Variants in SIGLEC8 observed in about 807,000 individuals in gnomAD.
SIGLEC8 encodes sialic acid-binding Ig-like lectin 8.
A neutral mutation model predicts 42.1 loss-of-function variants in SIGLEC8; 32 were observed. The observed-to-expected ratio is 0.76, with a 90% CI of 0.57 to 1.02. The LOEUF (loss-of-function observed/expected upper bound fraction) is 1.02, where lower values mean the gene tolerates loss of function less well. SIGLEC8 is among the 50% of genes least tolerant of loss of function. The probability of loss-of-function intolerance (pLI) is 0.00; values close to 1 mark genes in which losing one functional copy is unlikely to be tolerated. For missense variants in SIGLEC8, 611 were observed against 610.2 expected, an observed-to-expected ratio of 1.00 and a Z score of -0.01; for synonymous variants, 262 against 260.3, an observed-to-expected ratio of 1.01 and a Z score of -0.06.
chr19:51,457,035 G>A (rs528155926), intron 3 of SIGLEC8, 149 bp downstream of exon 3: 124 of 744,902 alleles, frequency 1.7e-4, no homozygotes, highest in African/African-American at 1.6e-3. Flanking sequence ...AGATGGTCAC[G>A]CGGGCTGGAG....
rs1989431329 is a variant in SIGLEC8, at chr19:51,454,095, C to A, written c.1245+124G>T. The A allele has an allele frequency of 3.3e-6, 5 of 1,500,056 alleles. 1 individual carries two copies. The Admixed American group carries it at 1.2e-4, about 35-fold the overall frequency. The allele number at this position is 1,500,056 out of a possible 1,614,324, so 92.9% of individuals were successfully genotyped here. A position where few individuals can be genotyped will look rare whatever the true frequency, so the allele number is the denominator to read the frequency against. On this transcript the variant is annotated intron_variant, in intron 6 of 6. Coordinates refer to ENST00000321424, the MANE Select transcript of SIGLEC8 (RefSeq NM_014442.3). The surrounding 1 kb of genome is among the most constrained non-coding windows in gnomAD (Gnocchi z 4.7). ...GATGGGGGAGTCCTGTAGAAGCCGG[C>A]CTGTGGGAAGGAGGAGGAGACGAGG...
At chr19:51,456,576 C>A (rs759786358) in intron 3 of SIGLEC8, among the ~76,000 whole-genome samples, 5 of 152,200 alleles carry the variant, frequency 3.3e-5, no homozygotes, top group Non-Finnish European at 5.9e-5. Context: ...AAGTCAGAGT[C>A]CATCTGTGCA....
At chr19:51,457,267 A>G in intron 2 of SIGLEC8, 36 bp from the exon 3 acceptor site, 1 of 1,601,626 alleles carries the variant, frequency 6.2e-7, no homozygotes, top group Non-Finnish European at 8.5e-7. Context: ...ACATTACTAT[A>G]AGGACTGGGG....
chr19:51,455,579 C>G lies in SIGLEC8; in HGVS notation c.890G>C (p.Arg297Pro). 6.2e-7 allele frequency: 1 copy of G among 1,614,044 alleles called. No individual in the cohort carries two copies. Among genetic ancestry groups the G allele is most frequent in the Non-Finnish European group, 8.5e-7 (1 of 1,179,978 alleles). The change falls in exon 4 of 7, where the codon CGG (arginine) becomes CCG (proline). Residue 297 changes from arginine to proline, a missense_variant. Arg to Pro is a moderately radical substitution (Grantham distance 103, BLOSUM62 -2). Transcript: ENST00000321424. ...SNPPARLSWT[R>P]GSLTLCPSRS... The stretch of plus-strand genomic sequence containing the variant: ...TGAGGGGCACAGGGTCAGGCTCCCC[C>G]GGGTCCAGCTCAGCCTGGCAGGGGG...
chr19:51,454,227 C>T lies in SIGLEC8; in HGVS notation c.1237G>A (p.Ala413Thr), dbSNP rs764161936. ...MEDAKAIRGS[A>T]SQGPLTESWK... ...AAGCCCACATCACTCACCTGAGAGG[C>T]CGAGCCCCTGATGGCCTTTGCATCT... Residue 413 changes from alanine (A) to threonine (T), a missense_variant, in exon 6 of 7, where the codon GCC becomes ACC. Physicochemically the swap from Ala to Thr is moderately conservative, Grantham distance 58 (BLOSUM62 0). Coordinates refer to ENST00000321424, the MANE Select transcript of SIGLEC8 (RefSeq NM_014442.3). The surrounding 1 kb of genome is among the most constrained non-coding windows in gnomAD (Gnocchi z 4.7). The T allele has an allele frequency of 1.1e-5, 17 of 1,614,150 alleles. No homozygotes were observed. Among genetic ancestry groups the T allele is most frequent in the Non-Finnish European group, 1.4e-5 (17 of 1,180,008 alleles).
Position 51,458,263 on chromosome 19 carries a change from C to A in SIGLEC8, c.125G>T (p.Cys42Phe). The change falls in exon 1 of 7, where the codon TGT becomes TTT. Residue 42 changes from cysteine to phenylalanine, a missense_variant. By Grantham distance (205) the Cys-to-Phe change is radical (BLOSUM62 -2). Transcript: ENST00000321424. Reference sequence around the variant, plus strand: ...GGAGAAGGAGCAGGGCACATGGACACACAGGCCCTCCTGCACCGTCACCAG... The same window carrying A: ...GGAGAAGGAGCAGGGCACATGGACAAACAGGCCCTCCTGCACCGTCACCAG... ...QELVTVQEGL[C>F]VHVPCSFSYP... The A allele has an allele frequency of 6.2e-7, 1 of 1,614,140 alleles. No homozygotes were observed. Among genetic ancestry groups the A allele is most frequent in the Non-Finnish European group, 8.5e-7 (1 of 1,180,020 alleles).
Position 51,452,184 on chromosome 19 carries a change from A to G in SIGLEC8, c.*195T>C. 4.4e-6 allele frequency: 2 copies of G among 454,648 alleles called. No homozygotes were observed. The highest frequency in any genetic ancestry group is 3.7e-5 in the Admixed American group (1 of 26,866). The allele number at this position is 454,648 out of a possible 1,614,324, so 28.2% of individuals were successfully genotyped here. A position where few individuals can be genotyped will look rare whatever the true frequency, so the allele number is the denominator to read the frequency against. The stretch of plus-strand genomic sequence containing the variant: ...GCAAGTACCACATGACCTCATCTCT[A>G]TGTGGAATCTAAAATAGTCAACCTC... On this transcript the variant is annotated 3_prime_UTR_variant, in exon 7 of 7. Transcript: ENST00000321424.
In SIGLEC8 at chr19:51,457,634, G is replaced by A; in HGVS notation, c.560C>T (p.Pro187Leu). 2 of 1,612,234 alleles carry A rather than the reference G, an allele frequency of 1.2e-6. No individual in the cohort carries two copies. The highest frequency in any genetic ancestry group is 8.5e-7 in the Non-Finnish European group (1 of 1,178,988). Residue 187 changes from proline to leucine, a missense_variant, in exon 2 of 7, where the codon CCC becomes CTC. Transcript: ENST00000321424. ...GGAGGCCCCAATCCAGGAGATCATG[G>A]GGGGTGTCCCCTGCTTACAGGCCCA... ...VPWACKQGTP[P>L]MISWIGASVS...
At chr19:51,457,801 T>C (rs1267928443) in intron 1 of SIGLEC8, 62 bp from the exon 2 acceptor site, 4 of 1,550,058 alleles carry the variant, frequency 2.6e-6, no homozygotes, top group Non-Finnish European at 2.6e-6. Flanking sequence ...TGGAGGAAGC[T>C]CAAGCTCTGG....
chr19:51,451,511 T>A lies in SIGLEC8; in HGVS notation c.*868A>T, dbSNP rs1010992364. On this transcript the variant is annotated 3_prime_UTR_variant, in exon 7 of 7. Coordinates refer to ENST00000321424, the MANE Select transcript of SIGLEC8 (RefSeq NM_014442.3). ...AAGGAATTTATTTCCTGAAAACTTA[T>A]GGCTAAGGGGTGCCCAGCCTGCTGA... is the stretch of plus-strand genomic sequence containing the variant. 2.6e-5 allele frequency: 4 copies of A among 152,164 alleles called. No homozygotes were observed. The highest frequency in any genetic ancestry group is 1.3e-4 in the Admixed American group (2 of 15,282). 9.4% of individuals were successfully genotyped at this position (152,164 alleles called of 1,614,324 possible). A position where few individuals can be genotyped will look rare whatever the true frequency, so the allele number is the denominator to read the frequency against.
At chr19:51,457,040 C>A in intron 3 of SIGLEC8, 144 bp downstream of exon 3, 1 of 774,222 alleles carries the variant, frequency 1.3e-6, no homozygotes, top group Non-Finnish European at 2.3e-6. Flanking sequence ...GTCACGCGGG[C>A]TGGAGATGTG....
In SIGLEC8 at chr19:51,454,534, C is replaced by T. The variant is rs1057418354; in HGVS notation, c.1148+150G>A. Reference sequence around the variant, plus strand: ...AGATGTGGAGCCCCACAGACAAGGACGCTCGTGAAATGCTCACCGTGCACC... The same window carrying T: ...AGATGTGGAGCCCCACAGACAAGGATGCTCGTGAAATGCTCACCGTGCACC... On this transcript the variant is annotated intron_variant, in intron 5 of 6. Coordinates refer to ENST00000321424, the MANE Select transcript of SIGLEC8 (RefSeq NM_014442.3). The surrounding 1 kb of genome is among the most constrained non-coding windows in gnomAD (Gnocchi z 4.7). 68 of 1,004,614 alleles carry T rather than the reference C, an allele frequency of 6.8e-5. 1 individual carries two copies. The highest frequency in any genetic ancestry group is 3.1e-4 in the Admixed American group (13 of 41,426). The allele number at this position is 1,004,614 out of a possible 1,614,324, so 62.2% of individuals were successfully genotyped here. A position where few individuals can be genotyped will look rare whatever the true frequency, so the allele number is the denominator to read the frequency against.
Position 51,457,891 on chromosome 19 carries a change from T to C in SIGLEC8, c.454+43A>G, listed in dbSNP as rs199744503. The C allele has an allele frequency of 3.0e-4, 482 of 1,595,370 alleles. 7 individuals carry two copies. In the Admixed American group the frequency reaches 5.0e-3, roughly 16 times the overall value. On this transcript the variant is annotated intron_variant, in intron 1 of 6. Transcript: ENST00000321424. ...CATCCCAGCCCTGCCTTTCAGCCCCTCATGACCTTCCCCTGTGGCCTGTGC... is the reference window on the plus strand; with the variant it reads ...CATCCCAGCCCTGCCTTTCAGCCCCCCATGACCTTCCCCTGTGGCCTGTGC...
chr19:51,456,053 C>T (rs1213008804), intron 3 of SIGLEC8, among the ~76,000 whole-genome samples: 1 of 142,842 alleles, frequency 7.0e-6, no homozygotes, highest in African/African-American at 2.6e-5. Flanking sequence ...GGAAGGGGAA[C>T]ATCACACACC....
Position 51,452,619 on chromosome 19 carries a change from T to A in SIGLEC8, c.1260A>T (p.Glu420Asp). 6.5e-7 allele frequency: 1 copy of A among 1,539,980 alleles called. No individual in the cohort carries two copies. The highest frequency in any genetic ancestry group is 8.8e-7 in the Non-Finnish European group (1 of 1,139,072). Residue 420 changes from glutamate (E) to aspartate (D), a missense_variant, in exon 7 of 7, where the codon GAA becomes GAT. Physicochemically the swap from Glu to Asp is conservative, Grantham distance 45 (BLOSUM62 2). Coordinates refer to ENST00000321424, the MANE Select transcript of SIGLEC8 (RefSeq NM_014442.3). Reference sequence around the variant, plus strand: ...TCAGGGGGTTGCCATCTTTCCAGGATTCAGTCAGGGGTCCCTGGACAGAGA... The same window carrying A: ...TCAGGGGGTTGCCATCTTTCCAGGAATCAGTCAGGGGTCCCTGGACAGAGA... ...RGSASQGPLTESWKDGNPLKK... is the reference protein window; with the variant it reads ...RGSASQGPLTDSWKDGNPLKK...
chr19:51,457,496 A>G lies in SIGLEC8; in HGVS notation c.698T>C (p.Val233Ala). The change falls in exon 2 of 7, where the codon GTG (valine) becomes GCG (alanine). Residue 233 changes from valine (V) to alanine (A), a missense_variant. Physicochemically the swap from Val to Ala is moderately conservative, Grantham distance 64 (BLOSUM62 0). Coordinates refer to ENST00000321424, the MANE Select transcript of SIGLEC8 (RefSeq NM_014442.3). ...GAGGCGGACGGTACTGGTCGTGGTC[A>G]CACCTGTCCCAGGCAAGGTCACCTG... ...TCQVTLPGTG[V>A]TTTSTVRLDV... 6.2e-7 allele frequency: 1 copy of G among 1,613,792 alleles called. No individual in the cohort carries two copies. The highest frequency in any genetic ancestry group is 1.7e-4 in the Middle Eastern group (1 of 5,826).
Position 51,452,572 on chromosome 19 carries a change from G to T in SIGLEC8, c.1307C>A (p.Ala436Asp). 1 of 1,583,932 alleles carries T rather than the reference G, an allele frequency of 6.3e-7. No homozygotes were observed. The highest frequency in any genetic ancestry group is 8.6e-7 in the Non-Finnish European group (1 of 1,158,106). ...NPLKKPPPAV[A>D]PSSGEEGELH... ...CTCTCCTTCCTCCCCTGACGAGGGG[G>T]CAACAGCTGGGGGAGGCTTCTTCAG... is the stretch of plus-strand genomic sequence containing the variant. Residue 436 changes from alanine (A) to aspartate (D), a missense_variant, in exon 7 of 7, where the codon GCC (alanine) becomes GAC (aspartate). Physicochemically the swap from Ala to Asp is moderately radical, Grantham distance 126. Coordinates refer to ENST00000321424, the MANE Select transcript of SIGLEC8 (RefSeq NM_014442.3).
At chr19:51,455,014 A>G (rs1436929927) in intron 4 of SIGLEC8, among the ~76,000 whole-genome samples, 1 of 152,142 alleles carries the variant, frequency 6.6e-6, no homozygotes, top group African/African-American at 2.4e-5. Flanking sequence ...TTGTGGAATC[A>G]TTTTGCATTC....
rs1429114868 is a variant in SIGLEC8 at position 51,451,695 on chromosome 19, C to G, written c.*684G>C. 4.6e-5 allele frequency: 7 copies of G among 152,210 alleles called. No homozygotes were observed. The highest frequency in any genetic ancestry group is 1.0e-4 in the Non-Finnish European group (7 of 68,058). The allele number at this position is 152,210 out of a possible 1,614,324, so 9.4% of individuals were successfully genotyped here. Reference sequence around the variant, plus strand: ...CCATCAAGGCACAATGATTAGCACACCCATCTGTGCAAATATTTATCTGTT... The same window carrying G: ...CCATCAAGGCACAATGATTAGCACAGCCATCTGTGCAAATATTTATCTGTT... On this transcript the variant is annotated 3_prime_UTR_variant, in exon 7 of 7. Coordinates refer to ENST00000321424, the MANE Select transcript of SIGLEC8 (RefSeq NM_014442.3).
Sources: allele counts gnomAD v4.1 joint callset (sites outside exome capture counted in the v4.1 genomes callset), GRCh38; gene constraint gnomAD v4.1.1; non-coding constraint Gnocchi (gnomAD v3.1); transcripts MANE v1.5; gene names NCBI Gene and HGNC (gene_info 2026-07-23, HGNC 2026-07-21).